Variants in TOX observed in about 807,000 individuals in gnomAD.
TOX encodes thymocyte selection-associated high mobility group box protein TOX.
Under a neutral mutation model 53.7 loss-of-function variants are expected in TOX, and 11 were observed. The observed-to-expected ratio is 0.20, with a 90% CI of 0.13 to 0.34. The LOEUF (loss-of-function observed/expected upper bound fraction) is 0.34, where lower values mean the gene tolerates loss of function less well. TOX is among the 10% of genes least tolerant of loss of function. TOX has a pLI of 1.00. For synonymous variants in TOX, 225 were observed against 245.3 expected, an observed-to-expected ratio of 0.92 and a Z score of 0.77; for missense variants, 570 against 664.6, an observed-to-expected ratio of 0.86 and a Z score of 1.56.
At chr8:59,035,330 C>T (rs1390062676) in intron 1 of TOX, among the ~76,000 whole-genome samples, 1 of 152,130 alleles carries the variant, frequency 6.6e-6, no homozygotes, top group Non-Finnish European at 1.5e-5. Flanking sequence ...ATGGTGACTA[C>T]AGCAAAACAG....
chr8:59,048,193 G>A (rs1214152138), intron 1 of TOX, among the ~76,000 whole-genome samples: 1 of 152,130 alleles, frequency 6.6e-6, no homozygotes, highest in Non-Finnish European at 1.5e-5. Flanking sequence ...CTCAAAATCA[G>A]CAAAGAAAAT....
At position 59,117,082 on chromosome 8, in the gene TOX, CT is replaced by C. The variant is rs1358510574; in HGVS notation, c.102+1803del. Among the ~76,000 whole-genome samples, 1 of 152,202 alleles carries C rather than the reference CT, an allele frequency of 6.6e-6. No homozygotes were observed. Among genetic ancestry groups the C allele is most frequent in the Non-Finnish European group, 1.5e-5 (1 of 68,022 alleles). On this transcript the variant is annotated intron_variant, in intron 1 of 8. Coordinates refer to ENST00000361421, the MANE Select transcript of TOX (RefSeq NM_014729.3). This position sits in a 1 kb window ranked among gnomAD's most constrained non-coding sequence, Gnocchi z 4.6. ...AACTTCTTTTTGGGGCCTAAAATCA[CT>C]GATAAACTTAATAAGATTTGTCCAG...
intron 1 of TOX, among the ~76,000 whole-genome samples, chr8:59,031,508 T>C (rs186018591): frequency 2.0e-5 from 3 of 152,344 alleles, no homozygotes; most frequent in Non-Finnish European, 2.9e-5. Context: ...ATGGGGCATG[T>C]ATATCCCTGC....
chr8:58,957,809 TA>T (rs1165719515), intron 2 of TOX, among the ~76,000 whole-genome samples: 2 of 152,082 alleles, frequency 1.3e-5, no homozygotes, highest in Non-Finnish European at 2.9e-5. Context: ...AGGAAAAAAC[TA>T]TTTTTTTTTT....
intron 6 of TOX, among the ~76,000 whole-genome samples, chr8:58,822,524 C>T (rs1810299345): frequency 6.6e-6 from 1 of 152,162 alleles, no homozygotes; most frequent in Admixed American, 6.6e-5. Context: ...GTCCCTGGCT[C>T]CACACAACCA....
rs146733185 is a variant in TOX at position 58,877,494 on chromosome 8, G to A, written c.412-25689C>T. ...TTAGAATAAATGTATTCACTTTCTC[G>A]ATCTTGTGAAATAGAGACTCAACAA... On this transcript the variant is annotated intron_variant, in intron 3 of 8. Coordinates refer to ENST00000361421, the MANE Select transcript of TOX (RefSeq NM_014729.3). 7.2e-5 allele frequency among the ~76,000 whole-genome samples: 11 copies of A among 152,214 alleles called. No homozygotes were observed. The East Asian group carries it at 1.9e-3, about 27-fold the overall frequency.
chr8:59,093,593 G>A lies in TOX; in HGVS notation c.102+25293C>T, dbSNP rs1480213394. 3.3e-5 allele frequency among the ~76,000 whole-genome samples: 5 copies of A among 152,102 alleles called. No homozygotes were observed. In the South Asian group the frequency reaches 8.3e-4, roughly 25 times the overall value. Reference sequence around the variant, plus strand: ...CTATTGTTACAAGTTTATAATGGGGGAATACCTGTGTAGAAAATGTACCTG... The same window carrying A: ...CTATTGTTACAAGTTTATAATGGGGAAATACCTGTGTAGAAAATGTACCTG... On this transcript the variant is annotated intron_variant, in intron 1 of 8. Coordinates refer to ENST00000361421, the MANE Select transcript of TOX (RefSeq NM_014729.3).
intron 4 of TOX, among the ~76,000 whole-genome samples, chr8:58,840,503 C>T (rs1810624946): frequency 6.6e-6 from 1 of 152,252 alleles, no homozygotes; most frequent in East Asian, 1.9e-4. Context: ...CATGGCTGCA[C>T]ATTAGAGTCA....
chr8:59,108,503 A>G (rs117475728), intron 1 of TOX, among the ~76,000 whole-genome samples: 1 of 152,170 alleles, frequency 6.6e-6, no homozygotes, highest in Non-Finnish European at 1.5e-5. Flanking sequence ...TATTTAAAGC[A>G]TGACAAATGT....
chr8:58,998,932 T>C (rs1296367972), intron 1 of TOX, among the ~76,000 whole-genome samples: 2 of 152,132 alleles, frequency 1.3e-5, no homozygotes, highest in African/African-American at 2.4e-5. Flanking sequence ...AGTTACTAAT[T>C]CATTTTATTA....
At chr8:58,892,332 C>A (rs1336239032) in intron 3 of TOX, among the ~76,000 whole-genome samples, 1 of 152,102 alleles carries the variant, frequency 6.6e-6, no homozygotes, top group Non-Finnish European at 1.5e-5. Context: ...GAAGCCAAAT[C>A]ATTCATGTAG....
chr8:59,046,459 TA>T (rs1235758663), intron 1 of TOX, among the ~76,000 whole-genome samples: 23 of 152,138 alleles, frequency 1.5e-4, no homozygotes, highest in Admixed American at 1.5e-3. Context: ...GAGAACTAAA[TA>T]ATAACCTAGG....
At chr8:58,949,668 T>C (rs984996670) in intron 2 of TOX, among the ~76,000 whole-genome samples, 2 of 152,138 alleles carry the variant, frequency 1.3e-5, no homozygotes, top group African/African-American at 4.8e-5. Context: ...TAATATACTA[T>C]TTTAAATCAT....
chr8:58,812,984 T>G (rs954992255), intron 7 of TOX, among the ~76,000 whole-genome samples: 2 of 152,214 alleles, frequency 1.3e-5, no homozygotes, highest in African/African-American at 4.8e-5. Flanking sequence ...TCTTAGTCAA[T>G]GTAGTCTTTG....
chr8:58,887,208 T>C (rs2129171466), intron 3 of TOX, among the ~76,000 whole-genome samples: 1 of 152,064 alleles, frequency 6.6e-6, no homozygotes, highest in South Asian at 2.1e-4. Flanking sequence ...TTTTGTTTTT[T>C]CATATTTTAT....
chr8:58,961,423 T>C (rs1812794087), intron 1 of TOX, among the ~76,000 whole-genome samples: 1 of 152,144 alleles, frequency 6.6e-6, no homozygotes, highest in South Asian at 2.1e-4. Flanking sequence ...TAAAAAATAG[T>C]ACAAGTGGAA....
intron 3 of TOX, among the ~76,000 whole-genome samples, chr8:58,919,024 A>C (rs1812027381): frequency 6.9e-6 from 1 of 144,730 alleles, no homozygotes; most frequent in Non-Finnish European, 1.5e-5. Flanking sequence ...CTTCAAGGAG[A>C]ACTACAAACC....
intron 1 of TOX, chr8:58,991,610 C>T (rs969423493): frequency 2.6e-5 from 4 of 152,218 alleles, no homozygotes; most frequent in Non-Finnish European, 5.9e-5. Flanking sequence ...TTCAACACCA[C>T]TCAGACTGAA....
intron 6 of TOX, among the ~76,000 whole-genome samples, chr8:58,826,361 A>G (rs961510802): frequency 1.3e-5 from 2 of 152,224 alleles, no homozygotes; most frequent in Non-Finnish European, 1.5e-5. Flanking sequence ...CTAGATCACT[A>G]AATATTTTTA....
Sources: allele counts gnomAD v4.1 joint callset (sites outside exome capture counted in the v4.1 genomes callset), GRCh38; gene constraint gnomAD v4.1.1; non-coding constraint Gnocchi (gnomAD v3.1); transcripts MANE v1.5; gene names NCBI Gene and HGNC (gene_info 2026-07-23, HGNC 2026-07-21).